Variants in DAB1 observed in about 807,000 individuals in gnomAD.
DAB1 encodes the protein disabled homolog 1.
DAB1 carries 15 observed loss-of-function variants against 64.6 expected under a neutral mutation model. The observed-to-expected ratio is 0.23, with a 90% confidence interval of 0.16 to 0.36. The LOEUF (loss-of-function observed/expected upper bound fraction) is 0.36. Among genes scored for constraint, DAB1 ranks in the 10% least tolerant of loss-of-function variants. The pLI is 1.00. For missense variants in DAB1, 596 were observed against 706.7 expected, an observed-to-expected ratio of 0.84 and a Z score of 1.78; for synonymous variants, 235 against 251.9, an observed-to-expected ratio of 0.93 and a Z score of 0.64.
chr1:57,108,370 C>G (rs142084977), intron 4 of DAB1, among the ~76,000 whole-genome samples: 77 of 152,302 alleles, frequency 5.1e-4, no homozygotes, highest in African/African-American at 1.6e-3. Flanking sequence ...TACCTGCACT[C>G]AGCTGTTTGG....
At chr1:58,457,191 C>T (rs1339744255) in intron 3 of DAB1, among the ~76,000 whole-genome samples, 5 of 152,162 alleles carry the variant, frequency 3.3e-5, no homozygotes, top group Non-Finnish European at 5.9e-5. Flanking sequence ...ATGTCAGAGT[C>T]CAGACTCCAA....
intron 7 of DAB1, among the ~76,000 whole-genome samples, chr1:57,582,715 C>T (rs1645328601): frequency 6.6e-6 from 1 of 152,236 alleles, no homozygotes; most frequent in South Asian, 2.1e-4. Context: ...TCCACAGGGT[C>T]CGATGCCACT....
At chr1:58,079,532 T>C (rs1359472157) in intron 5 of DAB1, among the ~76,000 whole-genome samples, 2 of 142,422 alleles carry the variant, frequency 1.4e-5, no homozygotes, top group African/African-American at 5.2e-5. Flanking sequence ...TTTTTTTTTT[T>C]TTTTTTTTGA....
At chr1:57,832,580 G>A (rs1228769906) in intron 1 of DAB1, among the ~76,000 whole-genome samples, 1 of 152,182 alleles carries the variant, frequency 6.6e-6, no homozygotes, top group Non-Finnish European at 1.5e-5. Flanking sequence ...TGTCATGCCT[G>A]GGTCATCTCA....
At position 57,064,330 on chromosome 1, in the gene DAB1, G is replaced by T. The variant is rs148833738; in HGVS notation, c.664-1387C>A. ...ATCGTCAAAGCTGGTAAGTGACCAG[G>T]TTCAAACCCAGCTCTTTCTGGTGGC... On this transcript the variant is annotated intron_variant, in intron 8 of 14. Transcript: ENST00000371236. Among the ~76,000 whole-genome samples, 947 of 152,252 alleles carry T rather than the reference G, an allele frequency of 6.2e-3. 13 individuals are homozygous for T. Among genetic ancestry groups the T allele is most frequent in the African/African-American group, 0.021 (886 of 41,528 alleles).
At chr1:57,092,233 A>G (rs1240633786) in intron 4 of DAB1, among the ~76,000 whole-genome samples, 1 of 152,292 alleles carries the variant, frequency 6.6e-6, no homozygotes, top group East Asian at 1.9e-4. Flanking sequence ...TTCAAGCACC[A>G]TACTGGACCC....
intron 5 of DAB1, among the ~76,000 whole-genome samples, chr1:57,909,251 T>C (rs1644604191): frequency 6.6e-6 from 1 of 152,210 alleles, no homozygotes; most frequent in Non-Finnish European, 1.5e-5. Context: ...TCAGTGGCCT[T>C]CTTCATAAAG....
intron 1 of DAB1, among the ~76,000 whole-genome samples, chr1:58,544,957 T>C (rs1203037430): frequency 6.6e-6 from 1 of 152,090 alleles, no homozygotes; most frequent in Admixed American, 6.6e-5. Context: ...CCCAGGCTGG[T>C]TTTTAACTCC....
At position 57,758,376 on chromosome 1, in the gene DAB1, T is replaced by C. The variant is rs112951305; in HGVS notation, n.552-108711A>G. Among the ~76,000 whole-genome samples, 695 of 152,328 alleles carry C rather than the reference T, an allele frequency of 4.6e-3. 8 individuals carry two copies. The highest frequency in any genetic ancestry group is 0.016 in the African/African-American group (663 of 41,576). Reference sequence around the variant, plus strand: ...TTTCTGCAAAGGCCATGATGTTTATTTCCACTCCAAAGGGCCTAACTTGGG... The same window carrying C: ...TTTCTGCAAAGGCCATGATGTTTATCTCCACTCCAAAGGGCCTAACTTGGG... On this transcript the variant is annotated intron_variant and non_coding_transcript_variant, in intron 6 of 20. Coordinates refer to the DAB1 transcript ENST00000485760.
chr1:57,879,747 C>G (rs1644112812), intron 1 of DAB1, among the ~76,000 whole-genome samples: 2 of 152,160 alleles, frequency 1.3e-5, no homozygotes, highest in African/African-American at 4.8e-5. Context: ...GCAGGATTCA[C>G]TCTGCCATTT....
Position 57,435,109 on chromosome 1 carries a change from C to CATGATCTCG in DAB1, n.626-143952_626-143944dup, listed in dbSNP as rs1685649990. ...TGTCACCCAGGCTGGAGCGTAGTGG[C>CATGATCTCG]ATGATCTCGGCTCACTGCAGCCTCT... On this transcript the variant is annotated intron_variant and non_coding_transcript_variant, in intron 7 of 20. Transcript: ENST00000485760. Among the ~76,000 whole-genome samples the CATGATCTCG allele has an allele frequency of 3.7e-5, 5 of 135,812 alleles. No individual in the cohort carries two copies. The South Asian group carries it at 1.2e-3, about 31-fold the overall frequency. 89.1% of individuals were successfully genotyped at this position (135,812 alleles called of 152,430 possible).
intron 4 of DAB1, among the ~76,000 whole-genome samples, chr1:58,199,640 T>A (rs1657891497): frequency 6.6e-6 from 1 of 152,228 alleles, no homozygotes; most frequent in South Asian, 2.1e-4. Context: ...AGTATATTTT[T>A]AAATTATATT....
At chr1:57,732,269 G>T (rs997987530) in intron 6 of DAB1, among the ~76,000 whole-genome samples, 2 of 152,160 alleles carry the variant, frequency 1.3e-5, no homozygotes, top group Non-Finnish European at 2.9e-5. Flanking sequence ...CTACCATTAG[G>T]GTGGGGGCAA....
intron 7 of DAB1, among the ~76,000 whole-genome samples, chr1:57,528,189 A>G (rs1416271617): frequency 6.6e-6 from 1 of 152,158 alleles, no homozygotes; most frequent in Admixed American, 6.5e-5. Context: ...GTAACAAGGA[A>G]GCAAATATGA....
chr1:57,081,062 A>G (rs1417225103), intron 4 of DAB1, among the ~76,000 whole-genome samples: 1 of 152,096 alleles, frequency 6.6e-6, no homozygotes, highest in Non-Finnish European at 1.5e-5. Flanking sequence ...CTAAACATAT[A>G]GTTTGTATAT....
chr1:57,995,480 G>A (rs1198843705), intron 5 of DAB1, among the ~76,000 whole-genome samples: 1 of 152,252 alleles, frequency 6.6e-6, no homozygotes, highest in East Asian at 1.9e-4. Context: ...TTCAATGAAA[G>A]TGTGCAAATA....
intron 6 of DAB1, among the ~76,000 whole-genome samples, chr1:57,767,968 G>A (rs185707770): frequency 4.0e-4 from 61 of 151,996 alleles, no homozygotes; most frequent in African/African-American, 1.5e-3. Flanking sequence ...CCTGAGGTCA[G>A]GAGTTTGAGA....
intron 7 of DAB1, among the ~76,000 whole-genome samples, chr1:57,582,048 A>T (rs1645319520): frequency 6.6e-6 from 1 of 152,116 alleles, no homozygotes; most frequent in Non-Finnish European, 1.5e-5. Context: ...GAACAGAGAG[A>T]GGAAGCTCTG....
At chr1:57,128,062 G>T (rs528511249) in intron 4 of DAB1, among the ~76,000 whole-genome samples, 1 of 151,918 alleles carries the variant, frequency 6.6e-6, no homozygotes, top group Non-Finnish European at 1.5e-5. Context: ...CATGAGAATC[G>T]CTTGAACCCA....
Sources: allele counts gnomAD v4.1 joint callset (sites outside exome capture counted in the v4.1 genomes callset), GRCh38; gene constraint gnomAD v4.1.1; transcripts MANE v1.5; gene names NCBI Gene and HGNC (gene_info 2026-07-23, HGNC 2026-07-21).